BTBD9: variants seen among roughly 807,000 people sequenced by gnomAD.
BTBD9 encodes the protein BTB domain containing 9, also known as BTB/POZ domain-containing protein 9.
A neutral mutation model predicts 64.3 loss-of-function variants in BTBD9; 49 were observed. That is an observed-to-expected ratio of 0.76 (90% CI 0.61 to 0.97). The LOEUF (loss-of-function observed/expected upper bound fraction) is 0.97, where lower values mean the gene tolerates loss of function less well. Ranked by LOEUF, BTBD9 falls within the 50% of genes least tolerant of loss-of-function variation. The probability of loss-of-function intolerance (pLI) is 0.00; values close to 1 mark genes in which losing one functional copy is unlikely to be tolerated. For missense variants in BTBD9, 598 were observed against 762.1 expected, an observed-to-expected ratio of 0.78 and a Z score of 2.53; for synonymous variants, 260 against 274.7, an observed-to-expected ratio of 0.95 and a Z score of 0.53.
At chr6:38,442,831 A>G (rs1011691868) in intron 6 of BTBD9, among the ~76,000 whole-genome samples, 12 of 151,760 alleles carry the variant, frequency 7.9e-5, no homozygotes, top group Admixed American at 2.0e-4. Context: ...CACCATACCC[A>G]GCTAAATTTG....
At chr6:38,431,719 T>C (rs1370609640) in intron 6 of BTBD9, among the ~76,000 whole-genome samples, 1 of 151,560 alleles carries the variant, frequency 6.6e-6, no homozygotes, top group African/African-American at 2.4e-5. Flanking sequence ...ATTTCTCCTC[T>C]AGACTGATAA....
At chr6:38,196,894 T>G (rs1762288345) in intron 9 of BTBD9, among the ~76,000 whole-genome samples, 1 of 152,196 alleles carries the variant, frequency 6.6e-6, no homozygotes. Context: ...ATAATGAAGC[T>G]AAAATACTAT....
chr6:38,499,183 A>T (rs1370440437), intron 6 of BTBD9, among the ~76,000 whole-genome samples: 1 of 151,954 alleles, frequency 6.6e-6, no homozygotes, highest in Non-Finnish European at 1.5e-5. Context: ...CAAATTAAGC[A>T]CTTTTGTCTC....
At chr6:38,479,367 TAGAA>T (rs1771028785) in intron 6 of BTBD9, among the ~76,000 whole-genome samples, 1 of 151,036 alleles carries the variant, frequency 6.6e-6, no homozygotes, top group South Asian at 2.1e-4. Flanking sequence ...AATTGAAAGA[TAGAA>T]AGGAGGAAGC....
chr6:38,420,508 C>A (rs1767854268), intron 6 of BTBD9, among the ~76,000 whole-genome samples: 1 of 152,044 alleles, frequency 6.6e-6, no homozygotes, highest in African/African-American at 2.4e-5. Context: ...GAATATCATG[C>A]AGCCATTAAA....
At chr6:38,390,954 C>G (rs1282724639) in intron 6 of BTBD9, among the ~76,000 whole-genome samples, 1 of 152,222 alleles carries the variant, frequency 6.6e-6, no homozygotes, top group Non-Finnish European at 1.5e-5. Context: ...ACCTTCCACT[C>G]TAGAAAAGAC....
At chr6:38,594,375 G>A in intron 2 of BTBD9, 48 bp from the exon 3 acceptor site, 7 of 1,517,682 alleles carry the variant, frequency 4.6e-6, no homozygotes, top group Non-Finnish European at 6.2e-6. Context: ...AATAGGATTT[G>A]CTACAAAATA....
At chr6:38,298,923 G>GTA (rs1452749708) in intron 7 of BTBD9, among the ~76,000 whole-genome samples, 1 of 150,308 alleles carries the variant, frequency 6.7e-6, no homozygotes, top group African/African-American at 2.5e-5. Flanking sequence ...TGTTACATAT[G>GTA]TATACATGTG....
chr6:38,263,321 G>A (rs1411305077), intron 8 of BTBD9, among the ~76,000 whole-genome samples: 5 of 152,150 alleles, frequency 3.3e-5, no homozygotes, highest in African/African-American at 9.7e-5. Context: ...AGATTTGATG[G>A]CTTCTCAGCA....
At chr6:38,604,170 G>C (rs533803240) in intron 1 of BTBD9, among the ~76,000 whole-genome samples, 1 of 152,276 alleles carries the variant, frequency 6.6e-6, no homozygotes, top group South Asian at 2.1e-4. Flanking sequence ...TGCTACGTAA[G>C]AACATGACTG....
intron 6 of BTBD9, among the ~76,000 whole-genome samples, chr6:38,471,666 T>A (rs1331032809): frequency 6.6e-6 from 1 of 152,156 alleles, no homozygotes; most frequent in Admixed American, 6.5e-5. Flanking sequence ...ATTACAGGTA[T>A]GAGCCACTGT....
At chr6:38,518,623 A>C (rs902668330) in intron 6 of BTBD9, among the ~76,000 whole-genome samples, 2 of 152,236 alleles carry the variant, frequency 1.3e-5, no homozygotes, top group African/African-American at 4.8e-5. Flanking sequence ...GATCCTTGAC[A>C]ATATCATTAA....
chr6:38,280,348 A>G (rs1761463932), intron 8 of BTBD9, among the ~76,000 whole-genome samples: 1 of 152,234 alleles, frequency 6.6e-6, no homozygotes, highest in African/African-American at 2.4e-5. Flanking sequence ...AGTGATGCAG[A>G]TAGGCTCAGA....
intron 1 of BTBD9, among the ~76,000 whole-genome samples, chr6:38,611,465 T>C (rs1295841257): frequency 1.3e-5 from 2 of 152,184 alleles, no homozygotes; most frequent in Non-Finnish European, 2.9e-5. Flanking sequence ...AAAACATAGA[T>C]GACCTCCTAC....
At chr6:38,320,654 T>C (rs540274632) in intron 7 of BTBD9, among the ~76,000 whole-genome samples, 1 of 152,176 alleles carries the variant, frequency 6.6e-6, no homozygotes, top group Non-Finnish European at 1.5e-5. Context: ...ATAAAGATAA[T>C]AATCCCTTCT....
At chr6:38,587,780 C>T (rs1447679768) in intron 4 of BTBD9, 17 of 707,856 alleles carry the variant, frequency 2.4e-5, no homozygotes, top group African/African-American at 7.0e-5. Context: ...CCTGCTTCTT[C>T]GGATTCTTCT....
chr6:38,257,950 CTGTG>C (rs1764652640), intron 8 of BTBD9, among the ~76,000 whole-genome samples: 1 of 151,576 alleles, frequency 6.6e-6, no homozygotes, highest in Non-Finnish European at 1.5e-5. Flanking sequence ...TCTGTTCACT[CTGTG>C]TGTGTTATTC....
intron 10 of BTBD9, 93 bp from the exon 11 acceptor site, chr6:38,175,275 GGGGCCACCACGAGGGAGTTAGAGGA>G: frequency 2.9e-6 from 4 of 1,358,904 alleles, no homozygotes; most frequent in Non-Finnish European, 4.1e-6. Flanking sequence ...CCCAGCTTTG[GGGGCCACCACGAGGGAGTTAGAGGA>G]GGTCCTTCCC....
intron 9 of BTBD9, among the ~76,000 whole-genome samples, chr6:38,250,482 C>G (rs1764353492): frequency 6.6e-6 from 1 of 152,168 alleles, no homozygotes; most frequent in African/African-American, 2.4e-5. Context: ...TGACATATTT[C>G]CCTAACTCTA....
Sources: allele counts gnomAD v4.1 joint callset (sites outside exome capture counted in the v4.1 genomes callset), GRCh38; gene constraint gnomAD v4.1.1; transcripts MANE v1.5; gene names NCBI Gene and HGNC (gene_info 2026-07-23, HGNC 2026-07-21).